SMARCA2: variants seen among roughly 807,000 people sequenced by gnomAD.
SMARCA2 encodes SWI/SNF related BAF chromatin remodeling complex subunit ATPase 2.
Under a neutral mutation model 199.8 loss-of-function variants are expected in SMARCA2, and 61 were observed. The ratio of observed to expected loss-of-function variants is 0.31; its 90% confidence interval spans 0.25 to 0.38. The LOEUF is 0.38. SMARCA2 is among the 10% of genes least tolerant of loss of function. The probability of loss-of-function intolerance (pLI) is 1.00; values close to 1 mark genes in which losing one functional copy is unlikely to be tolerated. For missense variants in SMARCA2, 1,344 were observed against 2,012.2 expected (o/e 0.67, Z 6.35); for synonymous variants, 935 against 732.0 (o/e 1.28, Z -4.48).
intron 24 of SMARCA2, among the ~76,000 whole-genome samples, chr9:2,114,523 A>T (rs1169345500): frequency 1.3e-5 from 2 of 152,208 alleles, no homozygotes; most frequent in East Asian, 3.8e-4. Context: ...TACAGAAAAC[A>T]GACTTTTGCC....
intron 5 of SMARCA2, among the ~76,000 whole-genome samples, chr9:2,049,285 C>T (rs1171401400): frequency 6.6e-6 from 1 of 152,090 alleles, no homozygotes; most frequent in Non-Finnish European, 1.5e-5. Context: ...ATTTTCATTG[C>T]AGGACTTTCT....
At chr9:2,065,156 G>C (rs1019578535) in intron 9 of SMARCA2, among the ~76,000 whole-genome samples, 1 of 152,120 alleles carries the variant, frequency 6.6e-6, no homozygotes. Context: ...CTGCACTCCA[G>C]CCTGGGCGAC....
chr9:2,037,713 G>A (rs1350183579), intron 3 of SMARCA2, among the ~76,000 whole-genome samples: 1 of 152,192 alleles, frequency 6.6e-6, no homozygotes, highest in Non-Finnish European at 1.5e-5. Context: ...CTTATGTGAT[G>A]ACCTTTGTGA....
chr9:2,128,186 T>C (rs965401126), intron 27 of SMARCA2, among the ~76,000 whole-genome samples: 4 of 152,142 alleles, frequency 2.6e-5, no homozygotes, highest in Admixed American at 6.5e-5. Flanking sequence ...AGCACGGCAT[T>C]GGGGGCGAGC....
At chr9:2,177,091 A>G (rs1329703929) in intron 29 of SMARCA2, among the ~76,000 whole-genome samples, 1 of 152,178 alleles carries the variant, frequency 6.6e-6, no homozygotes, top group Non-Finnish European at 1.5e-5. Context: ...GGCTCTCTTG[A>G]TAAGTAGGGG....
At chr9:2,049,958 G>A (rs1192712239) in intron 5 of SMARCA2, among the ~76,000 whole-genome samples, 4 of 152,286 alleles carry the variant, frequency 2.6e-5, no homozygotes, top group South Asian at 2.1e-4. Context: ...CTTAGTTTCA[G>A]CAAAAATCAT....
At position 2,170,500 on chromosome 9, in the gene SMARCA2, C is replaced by G. The variant is rs573824298; in HGVS notation, c.4253+28C>G. On this transcript the variant is annotated intron_variant, in intron 29 of 33. Coordinates refer to ENST00000349721, the MANE Select transcript of SMARCA2 (RefSeq NM_003070.5). This position sits in a 1 kb window ranked among gnomAD's most constrained non-coding sequence, Gnocchi z 4.7. ...CAGGATCTGTCTTGTATTCCCCTAT[C>G]TCTAAATACAGGTATCCCTCGTTAC... 9 of 1,613,920 alleles carry G rather than the reference C, an allele frequency of 5.6e-6. No homozygotes were observed. The highest frequency in any genetic ancestry group is 3.3e-5 in the Admixed American group (2 of 59,974).
chr9:2,188,162 G>A (rs2129967668), intron 32 of SMARCA2, among the ~76,000 whole-genome samples: 1 of 152,054 alleles, frequency 6.6e-6, no homozygotes, highest in African/African-American at 2.4e-5. Context: ...TGGCAATGAG[G>A]GTTTTTCTAC....
At chr9:2,070,286 G>A in intron 9 of SMARCA2, 132 bp from the exon 10 acceptor site, 2 of 739,764 alleles carry the variant, frequency 2.7e-6, no homozygotes, top group Non-Finnish European at 4.9e-6. Flanking sequence ...AACATAAAAG[G>A]CATTAACACT....
rs1286314943 is a variant in SMARCA2 at position 2,039,989 on chromosome 9, C to T, written c.790+89C>T. On this transcript the variant is annotated intron_variant, in intron 4 of 33. Transcript: ENST00000349721. This position sits in a 1 kb window ranked among gnomAD's most constrained non-coding sequence, Gnocchi z 4.8. ...CCAAAACACCGGGTTGTTAAAAGCC[C>T]GGGGCTGACGTAGCCTTTTGTTATA... The T allele has an allele frequency of 2.6e-5, 41 of 1,558,358 alleles. No homozygotes were observed. Among genetic ancestry groups the T allele is most frequent in the Admixed American group, 2.1e-4 (12 of 56,964 alleles).
At chr9:2,164,170 A>G (rs1586776571) in intron 28 of SMARCA2, among the ~76,000 whole-genome samples, 1 of 152,100 alleles carries the variant, frequency 6.6e-6, no homozygotes, top group South Asian at 2.1e-4. Context: ...GACTCACTTC[A>G]TTCATTTGTA....
intron 18 of SMARCA2, among the ~76,000 whole-genome samples, 194 bp from the exon 19 acceptor site, chr9:2,088,306 T>G (rs1465860567): frequency 6.6e-6 from 1 of 152,168 alleles, no homozygotes; most frequent in Non-Finnish European, 1.5e-5. Context: ...GACACCTATT[T>G]AGAGGTCATT....
chr9:2,090,878 A>T (rs1481754035), intron 19 of SMARCA2, among the ~76,000 whole-genome samples: 7 of 151,436 alleles, frequency 4.6e-5, no homozygotes, highest in Non-Finnish European at 1.0e-4. Flanking sequence ...TAGCCTGGGG[A>T]AAGTTGGAAA....
intron 27 of SMARCA2, among the ~76,000 whole-genome samples, chr9:2,138,516 C>G (rs1345422482): frequency 2.0e-5 from 3 of 152,080 alleles, no homozygotes; most frequent in Non-Finnish European, 2.9e-5. Context: ...AACCTTTTTC[C>G]AAAGATTATT....
At chr9:2,062,490 G>A (rs193048684) in intron 9 of SMARCA2, among the ~76,000 whole-genome samples, 63 of 152,296 alleles carry the variant, frequency 4.1e-4, no homozygotes, top group East Asian at 3.7e-3. Context: ...TTGCATCGTC[G>A]TAGGCAGAGA....
chr9:2,167,038 G>T (rs1825965852), intron 28 of SMARCA2, among the ~76,000 whole-genome samples: 1 of 152,074 alleles, frequency 6.6e-6, no homozygotes, highest in African/African-American at 2.4e-5. Flanking sequence ...TTTTACCAAG[G>T]GTCAACATGA....
intron 26 of SMARCA2, among the ~76,000 whole-genome samples, chr9:2,120,990 A>T (rs1044290355): frequency 6.6e-6 from 1 of 152,292 alleles, no homozygotes; most frequent in East Asian, 1.9e-4. Flanking sequence ...AGAACTAATT[A>T]AAAGGCAGAT....
intron 29 of SMARCA2, among the ~76,000 whole-genome samples, chr9:2,174,874 C>CTGATCG (rs1282153574): frequency 7.5e-6 from 1 of 132,706 alleles, no homozygotes; most frequent in Non-Finnish European, 1.5e-5. Context: ...GCAGTGAGCC[C>CTGATCG]TGATCGTGCT....
chr9:2,180,808 C>T (rs1260804884), intron 29 of SMARCA2, among the ~76,000 whole-genome samples: 1 of 152,170 alleles, frequency 6.6e-6, no homozygotes, highest in African/African-American at 2.4e-5. Flanking sequence ...GCATTTGTTG[C>T]TATAGAACCT....
Sources: gnomAD v4.1 joint callset for allele counts (sites outside exome capture counted in the v4.1 genomes callset) on GRCh38, gnomAD v4.1.1 for gene constraint, Gnocchi (gnomAD v3.1) non-coding constraint, MANE v1.5 for transcripts, NCBI Gene and HGNC (gene_info 2026-07-23, HGNC 2026-07-21) for gene names.